AHI1: variants seen among roughly 807,000 people sequenced by gnomAD.
AHI1 encodes Abelson helper integration site 1.
Under a neutral mutation model 149.3 loss-of-function variants are expected in AHI1, and 123 were observed. The observed-to-expected ratio is 0.82, with a 90% CI of 0.71 to 0.96. The LOEUF is 0.96. Among genes scored for constraint, AHI1 ranks in the 40% least tolerant of loss-of-function variants. AHI1 has a pLI of 0.00. For synonymous variants in AHI1, 475 were observed against 459.8 expected (o/e 1.03, Z -0.42); for missense variants, 1,439 against 1,422.7 (o/e 1.01, Z -0.18).
chr6:135,381,712 T>C (rs1265680042), intron 23 of AHI1, among the ~76,000 whole-genome samples: 1 of 152,202 alleles, frequency 6.6e-6, no homozygotes, highest in Non-Finnish European at 1.5e-5. Context: ...GGACTTACTC[T>C]CCCCTCTGTG....
intron 20 of AHI1, among the ~76,000 whole-genome samples, chr6:135,419,983 A>T (rs1782921672): frequency 6.6e-6 from 1 of 152,134 alleles, no homozygotes; most frequent in African/African-American, 2.4e-5. Context: ...TCAAGAATCT[A>T]CTTTCTTTGC....
At chr6:135,426,412 G>T (rs1483414020) in intron 20 of AHI1, among the ~76,000 whole-genome samples, 1 of 151,582 alleles carries the variant, frequency 6.6e-6, no homozygotes, top group Non-Finnish European at 1.5e-5. Flanking sequence ...TAACTTAATT[G>T]CCTAATTACT....
chr6:135,483,102 G>A (rs1431396128), intron 5 of AHI1, among the ~76,000 whole-genome samples: 1 of 148,832 alleles, frequency 6.7e-6, no homozygotes, highest in East Asian at 2.0e-4. Context: ...GTTTCACTAT[G>A]TTGGCCAGGC....
chr6:135,467,257 A>T (rs958397279), intron 6 of AHI1, among the ~76,000 whole-genome samples: 13 of 152,260 alleles, frequency 8.5e-5, no homozygotes, highest in African/African-American at 2.9e-4. Context: ...ACTGAAAATT[A>T]ACAAACACTA....
At chr6:135,424,903 T>C (rs1205028507) in intron 20 of AHI1, among the ~76,000 whole-genome samples, 1 of 151,978 alleles carries the variant, frequency 6.6e-6, no homozygotes. Context: ...TAAAGCCATA[T>C]GTAAACTTTA....
chr6:135,328,988 C>T (rs1001340740), intron 24 of AHI1, among the ~76,000 whole-genome samples: 6 of 152,192 alleles, frequency 3.9e-5, no homozygotes, highest in African/African-American at 1.2e-4. Flanking sequence ...AAAGCCTTAA[C>T]TCTCTTCAAT....
At chr6:135,339,238 G>A (rs886740027) in intron 24 of AHI1, among the ~76,000 whole-genome samples, 1 of 152,184 alleles carries the variant, frequency 6.6e-6, no homozygotes, top group Non-Finnish European at 1.5e-5. Flanking sequence ...TTAATTTCCA[G>A]TTTGCCACAT....
rs548176435 is a variant in AHI1 at position 135,483,503 on chromosome 6, C to T, written c.135+7120G>A. On this transcript the variant is annotated intron_variant, in intron 5 of 28. Transcript: ENST00000265602. ...GAGAGAGGATAAAATCAAGATAATA[C>T]GGTATACACAATAAAAGTGAGGAAA... Among the ~76,000 whole-genome samples, 343 of 152,230 alleles carry T rather than the reference C, an allele frequency of 2.3e-3. 1 individual carries two copies. The highest frequency in any genetic ancestry group is 7.5e-3 in the African/African-American group (313 of 41,550).
intron 17 of AHI1, 58 bp from the exon 18 acceptor site, chr6:135,430,058 TG>T: frequency 1.1e-6 from 1 of 906,002 alleles, no homozygotes; most frequent in South Asian, 1.6e-5. Context: ...TAAACTTTTT[TG>T]GGGGTACAAA....
At chr6:135,378,874 T>C (rs1776308101) in intron 23 of AHI1, among the ~76,000 whole-genome samples, 1 of 152,212 alleles carries the variant, frequency 6.6e-6, no homozygotes, top group South Asian at 2.1e-4. Context: ...CCTTACTGTC[T>C]TTCTGGGTAA....
At chr6:135,429,472 A>C (rs1241536318) in intron 18 of AHI1, among the ~76,000 whole-genome samples, 3 of 151,758 alleles carry the variant, frequency 2.0e-5, no homozygotes, top group Non-Finnish European at 4.4e-5. Context: ...TATAAATCAA[A>C]AGCCCTCTCC....
chr6:135,395,756 T>C (rs761282682), intron 22 of AHI1, among the ~76,000 whole-genome samples: 7 of 151,880 alleles, frequency 4.6e-5, no homozygotes, highest in South Asian at 2.1e-4. Context: ...TTTGGAGAAA[T>C]TGACAGTCTG....
At chr6:135,425,123 T>C (rs2128001310) in intron 20 of AHI1, among the ~76,000 whole-genome samples, 1 of 152,088 alleles carries the variant, frequency 6.6e-6, no homozygotes, top group South Asian at 2.1e-4. Flanking sequence ...GGAAAATGTG[T>C]TGAAACATTT....
intron 5 of AHI1, among the ~76,000 whole-genome samples, chr6:135,470,982 T>C (rs928289586): frequency 2.6e-5 from 4 of 152,216 alleles, no homozygotes; most frequent in African/African-American, 9.7e-5. Flanking sequence ...ATGACTTTTA[T>C]TCATACCTCA....
chr6:135,463,381 G>C, intron 7 of AHI1, 75 bp from the exon 8 acceptor site: 6 of 1,245,702 alleles, frequency 4.8e-6, no homozygotes, highest in Non-Finnish European at 6.5e-6. Context: ...GCAACAGAGT[G>C]AACAGTAAAT....
chr6:135,439,166 C>G (rs1416178633), intron 14 of AHI1, among the ~76,000 whole-genome samples: 4 of 152,226 alleles, frequency 2.6e-5, no homozygotes, highest in Admixed American at 2.0e-4. Context: ...GCAGTCCCCC[C>G]TTATGTGCAG....
At position 135,427,260 on chromosome 6, in the gene AHI1, G is replaced by C. The variant is rs1355690902; in HGVS notation, c.2671C>G (p.Arg891Gly). ...YSDLPFKSPI[R>G]DISYHPFENM... ...TCAAATGGATGATAAGAAATGTCTCGAATGGGTGACTTGAATGGCAAGTCA... is the reference window on the plus strand; with the variant it reads ...TCAAATGGATGATAAGAAATGTCTCCAATGGGTGACTTGAATGGCAAGTCA... Residue 891 changes from arginine to glycine, a missense_variant, in exon 20 of 29, where the codon CGA (arginine) becomes GGA (glycine). By Grantham distance (125) the Arg-to-Gly change is moderately radical. Coordinates refer to ENST00000265602, the MANE Select transcript of AHI1 (RefSeq NM_001134831.2). 6.2e-7 allele frequency: 1 copy of C among 1,610,180 alleles called. No homozygotes were observed. The highest frequency in any genetic ancestry group is 1.3e-5 in the African/African-American group (1 of 74,750).
intron 3 of AHI1, chr6:135,492,614 C>T (rs371580857): frequency 2.0e-6 from 2 of 985,206 alleles, no homozygotes; most frequent in East Asian, 1.1e-4. Context: ...CATTAATGAA[C>T]ATTTCAACGC....
chr6:135,450,093 G>C (rs1367057519), intron 11 of AHI1, among the ~76,000 whole-genome samples: 1 of 152,104 alleles, frequency 6.6e-6, no homozygotes, highest in Non-Finnish European at 1.5e-5. Context: ...GTGGTTCCAA[G>C]AAAAGTGGGT....
Sources: gnomAD v4.1 joint callset for allele counts (sites outside exome capture counted in the v4.1 genomes callset) on GRCh38, gnomAD v4.1.1 for gene constraint, MANE v1.5 for transcripts, NCBI Gene and HGNC (gene_info 2026-07-23, HGNC 2026-07-21) for gene names.